The following DENND2A variants were observed in gnomAD, a reference collection of about 807,000 sequenced individuals.
DENND2A encodes the protein DENN domain containing 2A.
In DENND2A, 53 loss-of-function variants were observed where a neutral mutation model predicts 105.3. The observed-to-expected ratio is 0.50, with a 90% confidence interval of 0.40 to 0.63. The LOEUF is 0.63. Among genes scored for constraint, DENND2A ranks in the 30% least tolerant of loss-of-function variants. DENND2A has a pLI of 0.00. For synonymous variants in DENND2A, 522 were observed against 508.4 expected, an observed-to-expected ratio of 1.03 and a Z score of -0.36; for missense variants, 1,138 against 1,279.6, an observed-to-expected ratio of 0.89 and a Z score of 1.69.
intron 1 of DENND2A, among the ~76,000 whole-genome samples, chr7:140,637,863 T>C (rs141701499): frequency 2.5e-4 from 38 of 152,230 alleles, no homozygotes; most frequent in African/African-American, 9.1e-4. Flanking sequence ...CCGGACGCCT[T>C]GCTCTCTACA....
At position 140,640,026 on chromosome 7, in the gene DENND2A, A is replaced by G. The variant is rs1290646619; in HGVS notation, c.-248+478T>C. On this transcript the variant is annotated intron_variant, in intron 1 of 19. Transcript: ENST00000496613. This position sits in a 1 kb window ranked among gnomAD's most constrained non-coding sequence, Gnocchi z 4.9. The stretch of plus-strand genomic sequence containing the variant: ...ATCTTTACCTTCTTGCTTTCCCAAG[A>G]CTGCAAATGCTGACCGCTGTGAGGG... Among the ~76,000 whole-genome samples, 1 of 152,244 alleles carries G rather than the reference A, an allele frequency of 6.6e-6. No homozygotes were observed. Among genetic ancestry groups the G allele is most frequent in the Non-Finnish European group, 1.5e-5 (1 of 68,046 alleles).
At chr7:140,593,455 C>G (rs1298361725) in intron 3 of DENND2A, among the ~76,000 whole-genome samples, 1 of 152,228 alleles carries the variant, frequency 6.6e-6, no homozygotes, top group Non-Finnish European at 1.5e-5. Context: ...CAAATTTCAA[C>G]AACCAATGCC....
Position 140,521,939 on chromosome 7 carries a change from G to A in DENND2A, c.2827C>T (p.Arg943Cys), listed in dbSNP as rs1479333982. The A allele has an allele frequency of 3.1e-6, 5 of 1,614,066 alleles. No homozygotes were observed. Among genetic ancestry groups the A allele is most frequent in the Non-Finnish European group, 4.2e-6 (5 of 1,180,040 alleles). The change falls in exon 18 of 20, where the codon CGC becomes TGC. Residue 943 changes from arginine (R) to cysteine (C), a missense_variant. By Grantham distance (180) the Arg-to-Cys change is radical. This residue lies in a region of DENND2A where 627 missense variants were observed against 779.8 expected (regional missense o/e 0.80). Transcript: ENST00000496613. The stretch of plus-strand genomic sequence containing the variant: ...TCCATGAAGACCTCCAGGAAGTGGC[G>A]GAGGCTCTTGGAGGAGACAGCTTTG... ...FRKAVSSKSL[R>C]HFLEVFMETQ...
chr7:140,572,538 G>A (rs549178412), intron 6 of DENND2A, among the ~76,000 whole-genome samples: 5 of 151,588 alleles, frequency 3.3e-5, no homozygotes, highest in South Asian at 2.1e-4. Flanking sequence ...TGAGGCAGGC[G>A]GATCACGCGG....
chr7:140,589,585 A>G (rs1798923931), intron 3 of DENND2A, among the ~76,000 whole-genome samples: 1 of 152,066 alleles, frequency 6.6e-6, no homozygotes, highest in Non-Finnish European at 1.5e-5. Context: ...CTTTTCTTTG[A>G]GAGAGAGAAA....
chr7:140,528,923 G>A (rs1350216504), intron 14 of DENND2A, among the ~76,000 whole-genome samples: 6 of 151,792 alleles, frequency 4.0e-5, no homozygotes, highest in Non-Finnish European at 8.8e-5. Context: ...GGCCAACATG[G>A]TGATACCTCA....
At position 140,569,700 on chromosome 7, in the gene DENND2A, T is replaced by C; in HGVS notation, c.1485A>G (p.Arg495=). The C allele has an allele frequency of 2.5e-6, 4 of 1,613,942 alleles. No homozygotes were observed. Among genetic ancestry groups the C allele is most frequent in the Non-Finnish European group, 3.4e-6 (4 of 1,179,880 alleles). The part of the protein sequence containing the change: ...LRINAIYEVR[R]GKKRVKRLSQ... ...ACAGCCTCTTCACCCGTTTCTTTCC[T>C]CTCCGGACCTCATAAATGGCGTTGA... Residue 495 remains arginine, a synonymous_variant, in exon 7 of 20, where the codon AGA becomes AGG. Coordinates refer to ENST00000496613, the MANE Select transcript of DENND2A (RefSeq NM_015689.5).
rs747667851 is a variant in DENND2A at position 140,521,978 on chromosome 7, G to A, written c.2788C>T (p.Arg930Trp). 62 of 1,614,036 alleles carry A rather than the reference G, an allele frequency of 3.8e-5. No individual in the cohort carries two copies. Among genetic ancestry groups the A allele is most frequent in the African/African-American group, 1.9e-4 (14 of 74,938 alleles). Residue 930 changes from arginine (R) to tryptophan (W), a missense_variant, in exon 18 of 20, where the codon CGG (arginine) becomes TGG (tryptophan). This residue lies in a region of DENND2A where 627 missense variants were observed against 779.8 expected (regional missense o/e 0.80). Coordinates refer to ENST00000496613, the MANE Select transcript of DENND2A (RefSeq NM_015689.5). The part of the protein sequence containing the change: ...SGEREERTLQ[R>W]EAFRKAVSSK... ...GAGACAGCTTTGCGGAAGGCCTCCC[G>A]CTGCAGGGTTCTCTCCTCACGCTCG... is the stretch of plus-strand genomic sequence containing the variant.
intron 9 of DENND2A, among the ~76,000 whole-genome samples, chr7:140,566,157 G>A (rs1379011914): frequency 6.6e-6 from 1 of 152,092 alleles, no homozygotes; most frequent in Non-Finnish European, 1.5e-5. Flanking sequence ...TCAGCCTCCT[G>A]AGTAGCTGGG....
At chr7:140,590,231 A>T (rs1294686186) in intron 3 of DENND2A, among the ~76,000 whole-genome samples, 3 of 152,018 alleles carry the variant, frequency 2.0e-5, no homozygotes, top group Non-Finnish European at 4.4e-5. Flanking sequence ...CTCTACTGAA[A>T]ATACAAAAAT....
chr7:140,640,936 G>A (rs545163768), upstream of DENND2A: 13 of 152,150 alleles, frequency 8.5e-5, no homozygotes, highest in East Asian at 2.3e-3. This position sits in a 1 kb window ranked among gnomAD's most constrained non-coding sequence, Gnocchi z 4.9. Flanking sequence ...GCGCGGAGCT[G>A]CGGTAAACAG....
chr7:140,631,417 C>G (rs975173914), intron 1 of DENND2A, among the ~76,000 whole-genome samples: 2 of 152,030 alleles, frequency 1.3e-5, no homozygotes, highest in African/African-American at 4.8e-5. Context: ...TCTCTCAGTT[C>G]TGTACCAGAC....
At chr7:140,570,951 G>A (rs1798069200) in intron 6 of DENND2A, among the ~76,000 whole-genome samples, 1 of 152,180 alleles carries the variant, frequency 6.6e-6, no homozygotes, top group South Asian at 2.1e-4. Flanking sequence ...GGTCCCCCAG[G>A]GCTTGCTATC....
intron 1 of DENND2A, among the ~76,000 whole-genome samples, chr7:140,614,245 C>G (rs1800006497): frequency 6.6e-6 from 1 of 152,162 alleles, no homozygotes; most frequent in African/African-American, 2.4e-5. Flanking sequence ...CTGGAATTAA[C>G]AGGCGTGCAC....
intron 14 of DENND2A, 142 bp downstream of exon 14, chr7:140,544,476 T>A: frequency 9.3e-7 from 1 of 1,077,944 alleles, no homozygotes; most frequent in Middle Eastern, 2.1e-4. Context: ...ATTACAGGTG[T>A]GAGTCACCGC....
At chr7:140,584,281 T>C (rs1462846831) in intron 5 of DENND2A, among the ~76,000 whole-genome samples, 1 of 152,154 alleles carries the variant, frequency 6.6e-6, no homozygotes, top group East Asian at 1.9e-4. Context: ...AAAGGTTGAT[T>C]GAAATACAGC....
intron 12 of DENND2A, among the ~76,000 whole-genome samples, chr7:140,550,150 G>A (rs1377614715): frequency 2.1e-5 from 2 of 96,986 alleles, no homozygotes; most frequent in Non-Finnish European, 4.2e-5. Flanking sequence ...TAGGGGTGGG[G>A]TTAGGGGAGG....
At chr7:140,524,344 A>G (rs932206413) in intron 16 of DENND2A, among the ~76,000 whole-genome samples, 1 of 152,188 alleles carries the variant, frequency 6.6e-6, no homozygotes, top group Non-Finnish European at 1.5e-5. Flanking sequence ...TAAAAAGAAA[A>G]TACATGTGTG....
chr7:140,602,194 T>C lies in DENND2A; in HGVS notation c.204A>G (p.Ala68=). 6.2e-7 allele frequency: 1 copy of C among 1,614,226 alleles called. No homozygotes were observed. Among genetic ancestry groups the C allele is most frequent in the African/African-American group, 1.3e-5 (1 of 75,060 alleles). The stretch of plus-strand genomic sequence containing the variant: ...ACGGCAGATAATCCTCCTGTCCGTC[T>C]GCTCTCCTGCTGGGTGCAGGAGTGG... ...EVPTPAPSRR[A]DGQEDYLPSS... The change falls in exon 3 of 20, where the codon GCA becomes GCG. Residue 68 remains alanine, a synonymous_variant. Transcript: ENST00000496613.
Sources: gnomAD v4.1 joint callset for allele counts (sites outside exome capture counted in the v4.1 genomes callset) on GRCh38, gnomAD v4.1.1 for gene constraint, gnomAD v4.1.1 regional missense constraint, Gnocchi (gnomAD v3.1) non-coding constraint, MANE v1.5 for transcripts, NCBI Gene and HGNC (gene_info 2026-07-23, HGNC 2026-07-21) for gene names.